The following CCDC7 variants were observed in gnomAD, a reference collection of about 807,000 sequenced individuals.
The protein encoded by CCDC7 is coiled-coil domain-containing protein 7.
In CCDC7, 183 loss-of-function variants were observed where a neutral mutation model predicts 196.9. The observed-to-expected ratio is 0.93, with a 90% confidence interval of 0.82 to 1.05. The LOEUF (loss-of-function observed/expected upper bound fraction) is 1.05, where lower values mean the gene tolerates loss of function less well. Ranked by LOEUF, CCDC7 falls within the 50% of genes least tolerant of loss-of-function variation. The pLI, the probability that CCDC7 is intolerant of heterozygous loss-of-function variation, is 0.00. For missense variants in CCDC7, 1,540 were observed against 1,482.2 expected, an observed-to-expected ratio of 1.04 and a Z score of -0.64; for synonymous variants, 525 against 484.6, an observed-to-expected ratio of 1.08 and a Z score of -1.10.
intron 22 of CCDC7, among the ~76,000 whole-genome samples, chr10:32,687,889 A>T (rs926804436): frequency 6.6e-6 from 1 of 152,154 alleles, no homozygotes. Context: ...TGTTGGCCCT[A>T]TGCCCTACTG....
At chr10:32,737,645 A>C (rs1157097440) in intron 28 of CCDC7, among the ~76,000 whole-genome samples, 2 of 152,126 alleles carry the variant, frequency 1.3e-5, no homozygotes, top group Non-Finnish European at 2.9e-5. Flanking sequence ...AATATAATGA[A>C]TTTGTCTGTT....
At chr10:32,786,444 T>C (rs2081891652) in intron 29 of CCDC7, among the ~76,000 whole-genome samples, 1 of 152,168 alleles carries the variant, frequency 6.6e-6, no homozygotes, top group Non-Finnish European at 1.5e-5. Context: ...TCATACAATG[T>C]ACTTACTAGA....
intron 28 of CCDC7, among the ~76,000 whole-genome samples, chr10:32,774,285 T>G (rs2079610313): frequency 6.6e-6 from 1 of 151,230 alleles, no homozygotes; most frequent in African/African-American, 2.4e-5. Context: ...AATTAGAACC[T>G]TCCCCTTTTT....
At chr10:32,486,229 T>C (rs1467495938) in intron 8 of CCDC7, among the ~76,000 whole-genome samples, 4 of 152,172 alleles carry the variant, frequency 2.6e-5, no homozygotes, top group African/African-American at 9.7e-5. Context: ...TCTTGTTGAA[T>C]TGATCCCTTT....
intron 8 of CCDC7, among the ~76,000 whole-genome samples, chr10:32,484,080 C>G (rs1031476021): frequency 6.6e-6 from 1 of 152,176 alleles, no homozygotes; most frequent in African/African-American, 2.4e-5. Flanking sequence ...TATAAATTAC[C>G]TTGGGCAGTA....
chr10:32,737,337 C>G (rs772993407), intron 28 of CCDC7, among the ~76,000 whole-genome samples: 12 of 151,996 alleles, frequency 7.9e-5, no homozygotes, highest in Non-Finnish European at 1.8e-4. Flanking sequence ...GTACCTTTAT[C>G]TACTTTTGGT....
chr10:32,599,930 G>T (rs1329556666), intron 18 of CCDC7, among the ~76,000 whole-genome samples: 1 of 152,088 alleles, frequency 6.6e-6, no homozygotes, highest in African/African-American at 2.4e-5. Flanking sequence ...TTATGTTTTT[G>T]TGTGGTTTGT....
intron 24 of CCDC7, among the ~76,000 whole-genome samples, chr10:32,702,007 G>C (rs1465361680): frequency 1.3e-5 from 2 of 152,076 alleles, no homozygotes; most frequent in African/African-American, 4.8e-5. Context: ...GGTTTTTTGT[G>C]TCTCTATTTC....
At chr10:32,684,957 AT>A (rs34155403) in intron 21 of CCDC7, among the ~76,000 whole-genome samples, 21,834 of 148,502 alleles carry the variant, frequency 0.15, 1,601 homozygotes, top group East Asian at 0.31. Context: ...ATTTAATTTA[AT>A]TTTTTTTTTT....
intron 11 of CCDC7, among the ~76,000 whole-genome samples, chr10:32,539,580 C>A (rs2051071778): frequency 6.6e-6 from 1 of 151,788 alleles, no homozygotes; most frequent in Non-Finnish European, 1.5e-5. Flanking sequence ...TTGGTTTACT[C>A]TTCTTCTTCT....
chr10:32,732,969 T>C (rs1379220998), intron 28 of CCDC7, among the ~76,000 whole-genome samples: 1 of 152,136 alleles, frequency 6.6e-6, no homozygotes, highest in Admixed American at 6.6e-5. Context: ...GTGGCAAACT[T>C]TGAATTGAAA....
intron 18 of CCDC7, among the ~76,000 whole-genome samples, chr10:32,586,990 A>T (rs1375575718): frequency 6.6e-6 from 1 of 152,192 alleles, no homozygotes; most frequent in African/African-American, 2.4e-5. Flanking sequence ...TATTATCTAA[A>T]GACGTTTTCT....
intron 30 of CCDC7, among the ~76,000 whole-genome samples, chr10:32,814,159 T>C (rs1379651884): frequency 2.0e-5 from 3 of 152,150 alleles, no homozygotes; most frequent in Non-Finnish European, 4.4e-5. Context: ...GGTTTCACCA[T>C]GTTGGCCAGG....
chr10:32,755,452 G>A (rs1025942091), intron 28 of CCDC7, among the ~76,000 whole-genome samples: 4 of 152,120 alleles, frequency 2.6e-5, no homozygotes, highest in African/African-American at 9.7e-5. Flanking sequence ...AACATTTGCT[G>A]TTCTGCAGCC....
At chr10:32,805,709 A>G (rs1171591577) in intron 30 of CCDC7, among the ~76,000 whole-genome samples, 1 of 152,190 alleles carries the variant, frequency 6.6e-6, no homozygotes, top group Non-Finnish European at 1.5e-5. Flanking sequence ...TCAAAGAGGG[A>G]CCCTCTAAAA....
chr10:32,682,090 G>A (rs1427475539), intron 21 of CCDC7, among the ~76,000 whole-genome samples: 1 of 152,076 alleles, frequency 6.6e-6, no homozygotes, highest in East Asian at 1.9e-4. Context: ...GTGTATTGCT[G>A]GAGTTCGATG....
intron 22 of CCDC7, among the ~76,000 whole-genome samples, chr10:32,688,202 T>C (rs981305531): frequency 5.3e-5 from 8 of 152,150 alleles, no homozygotes; most frequent in African/African-American, 1.9e-4. Flanking sequence ...ACCTCCTTTA[T>C]GGTAGAAGCA....
At chr10:32,812,432 G>C (rs970443619) in intron 30 of CCDC7, among the ~76,000 whole-genome samples, 4 of 151,816 alleles carry the variant, frequency 2.6e-5, no homozygotes, top group African/African-American at 9.7e-5. Context: ...ATTTACAAAT[G>C]TGCTATGTAT....
At chr10:32,475,955 C>T (rs958438476) in intron 8 of CCDC7, among the ~76,000 whole-genome samples, 1 of 152,068 alleles carries the variant, frequency 6.6e-6, no homozygotes, top group African/African-American at 2.4e-5. Flanking sequence ...TACAGAGCTC[C>T]CATTAGTGCA....
Sources: allele counts gnomAD v4.1 joint callset (sites outside exome capture counted in the v4.1 genomes callset), GRCh38; gene constraint gnomAD v4.1.1; transcripts MANE v1.5; gene names NCBI Gene and HGNC (gene_info 2026-07-23, HGNC 2026-07-21).